Variants in AGXT2 observed in about 807,000 individuals in gnomAD.
The protein encoded by AGXT2 is alanine--glyoxylate aminotransferase 2, mitochondrial.
A neutral mutation model predicts 62.5 loss-of-function variants in AGXT2; 61 were observed. That is an observed-to-expected ratio of 0.98 (90% CI 0.79 to 1.21). The LOEUF is 1.21. Among genes scored for constraint, AGXT2 ranks in the 50% most tolerant of loss-of-function variants. The pLI, the probability that AGXT2 is intolerant of heterozygous loss-of-function variation, is 0.00. For missense variants in AGXT2, 666 were observed against 641.5 expected (o/e 1.04, Z -0.41); for synonymous variants, 243 against 218.7 (o/e 1.11, Z -0.98).
At chr5:35,018,537 AC>A (rs1766939666) in intron 9 of AGXT2, among the ~76,000 whole-genome samples, 1 of 152,072 alleles carries the variant, frequency 6.6e-6, no homozygotes, top group African/African-American at 2.4e-5. Context: ...AGATTTTGTC[AC>A]CACCAGGCCT....
At chr5:35,027,935 GA>G (rs934778928) in intron 7 of AGXT2, among the ~76,000 whole-genome samples, 10 of 151,262 alleles carry the variant, frequency 6.6e-5, no homozygotes, top group African/African-American at 2.4e-4. Context: ...TTTGGCCTGT[GA>G]GGGGTAATAT....
chr5:35,005,203 G>T (rs1003887103), intron 12 of AGXT2, among the ~76,000 whole-genome samples: 21 of 151,970 alleles, frequency 1.4e-4, no homozygotes, highest in African/African-American at 4.6e-4. Flanking sequence ...GGTTGGGTTG[G>T]GGGGGTCAGT....
chr5:35,026,362 G>A (rs1193657389), intron 8 of AGXT2, 48 bp downstream of exon 8: 1 of 1,471,122 alleles, frequency 6.8e-7, no homozygotes, highest in South Asian at 1.1e-5. Flanking sequence ...AAAACTTTCT[G>A]ATAATTGAAG....
rs1199080155 is a variant in AGXT2 at position 35,047,785 on chromosome 5, TC to T, written c.88+19del. 1 of 1,613,466 alleles carries T rather than the reference TC, an allele frequency of 6.2e-7. No individual in the cohort carries two copies. ...CTCGCTGATCCTCTACTGACCCACG[TC>T]CCCCTGGTTTCCACTTACGGCTCAG... is the stretch of plus-strand genomic sequence containing the variant. On this transcript the variant is annotated intron_variant, in intron 1 of 13. Transcript: ENST00000231420.
chr5:35,029,748 G>A (rs900317379), intron 7 of AGXT2, among the ~76,000 whole-genome samples: 2 of 152,204 alleles, frequency 1.3e-5, no homozygotes, highest in South Asian at 2.1e-4. Flanking sequence ...TTGGAACATT[G>A]TGGGGGCAGT....
At chr5:35,029,887 T>G (rs1767496709) in intron 7 of AGXT2, among the ~76,000 whole-genome samples, 1 of 152,044 alleles carries the variant, frequency 6.6e-6, no homozygotes, top group Non-Finnish European at 1.5e-5. Flanking sequence ...ACATCTAGAT[T>G]AGACTCACAA....
chr5:35,033,331 G>A, intron 6 of AGXT2, 129 bp downstream of exon 6: 1 of 763,530 alleles, frequency 1.3e-6, no homozygotes, highest in Non-Finnish European at 2.3e-6. Flanking sequence ...ATTCAATTAG[G>A]TCAAATTGAG....
chr5:35,040,529 C>T (rs780535050), intron 2 of AGXT2, 46 bp downstream of exon 2: 32 of 1,553,228 alleles, frequency 2.1e-5, no homozygotes, highest in Non-Finnish European at 2.8e-5. Context: ...TGAGACCTCC[C>T]CAGAGAAACT....
At chr5:35,022,585 AG>A (rs1309466575) in intron 9 of AGXT2, among the ~76,000 whole-genome samples, 3 of 60,160 alleles carry the variant, frequency 5.0e-5, no homozygotes, top group Non-Finnish European at 8.8e-5. Flanking sequence ...GGGTGGGGGG[AG>A]GGGGGAGGGA....
chr5:35,014,084 G>T lies in AGXT2; in HGVS notation c.999C>A (p.Phe333Leu), dbSNP rs751302445. Residue 333 changes from phenylalanine (F) to leucine (L), a missense_variant, in exon 10 of 14, where the codon TTC becomes TTA. Coordinates refer to ENST00000231420, the MANE Select transcript of AGXT2 (RefSeq NM_031900.4). ...GGACATCGTGGGTTTGGAAGCCCCA[G>T]AAGTGAGAGCCCAACCTTCCAAATC... is the stretch of plus-strand genomic sequence containing the variant. ...QTGFGRLGSH[F>L]WGFQTHDVLP... 20 of 1,614,032 alleles carry T rather than the reference G, an allele frequency of 1.2e-5. No individual in the cohort carries two copies. The highest frequency in any genetic ancestry group is 1.7e-6 in the Non-Finnish European group (2 of 1,180,044).
Position 34,998,295 on chromosome 5 carries a change from T to C in AGXT2, c.*424A>G, listed in dbSNP as rs559892326. ...TGCCAGGAATCTCGTCATGAACATA[T>C]GGTGTTCTCAGCGCAACAAGAAGAC... On this transcript the variant is annotated 3_prime_UTR_variant, in exon 14 of 14. Transcript: ENST00000231420. 3.8e-5 allele frequency: 9 copies of C among 238,110 alleles called. No individual in the cohort carries two copies. The East Asian group carries it at 4.2e-4, about 11-fold the overall frequency. 14.7% of individuals were successfully genotyped at this position (238,110 alleles called of 1,614,324 possible). A position where few individuals can be genotyped will look rare whatever the true frequency, so the allele number is the denominator to read the frequency against.
At chr5:35,018,684 G>C (rs1235371845) in intron 9 of AGXT2, among the ~76,000 whole-genome samples, 1 of 149,274 alleles carries the variant, frequency 6.7e-6, no homozygotes, top group Non-Finnish European at 1.5e-5. Flanking sequence ...AAAATAACCA[G>C]CTAACATCAT....
At chr5:35,042,898 T>G (rs1389963598) in intron 1 of AGXT2, among the ~76,000 whole-genome samples, 1 of 152,190 alleles carries the variant, frequency 6.6e-6, no homozygotes, top group African/African-American at 2.4e-5. Flanking sequence ...GGATAGTGCC[T>G]TTTTAGGCTA....
chr5:35,018,846 A>G (rs1164319053), intron 9 of AGXT2, among the ~76,000 whole-genome samples: 10 of 145,172 alleles, frequency 6.9e-5, no homozygotes, highest in African/African-American at 2.4e-4. Flanking sequence ...GTGCAGAGAC[A>G]CACATAGGCT....
At chr5:35,024,232 C>A (rs1454182116) in intron 9 of AGXT2, among the ~76,000 whole-genome samples, 1 of 152,070 alleles carries the variant, frequency 6.6e-6, no homozygotes, top group Admixed American at 6.6e-5. Flanking sequence ...TCTATTCCAG[C>A]AATGATGGCT....
chr5:35,026,839 C>T (rs1292591152), intron 7 of AGXT2: 87 of 984,914 alleles, frequency 8.8e-5, no homozygotes, highest in Non-Finnish European at 1.0e-4. Context: ...TAAGGATGCC[C>T]GTCCTCTCAA....
intron 7 of AGXT2, among the ~76,000 whole-genome samples, chr5:35,029,770 A>C (rs1227270954): frequency 6.6e-6 from 1 of 152,218 alleles, no homozygotes; most frequent in Non-Finnish European, 1.5e-5. Flanking sequence ...GGTGATGAGG[A>C]GTGAATCTCG....
intron 7 of AGXT2, 49 bp from the exon 8 acceptor site, chr5:35,026,559 G>A: frequency 6.7e-7 from 1 of 1,487,194 alleles, no homozygotes; most frequent in Non-Finnish European, 9.4e-7. Flanking sequence ...ATTTGAAAAT[G>A]TGAGCCTGAT....
chr5:35,016,562 C>T (rs780948963), intron 9 of AGXT2, among the ~76,000 whole-genome samples: 2 of 152,096 alleles, frequency 1.3e-5, no homozygotes, highest in Admixed American at 6.6e-5. Context: ...GACCTCAACC[C>T]CCTCCCTCTT....
Sources: allele counts gnomAD v4.1 joint callset (sites outside exome capture counted in the v4.1 genomes callset), GRCh38; gene constraint gnomAD v4.1.1; transcripts MANE v1.5; gene names NCBI Gene and HGNC (gene_info 2026-07-23, HGNC 2026-07-21).